The following ZC3H12B variants were observed in gnomAD, a reference collection of about 807,000 sequenced individuals.
The protein encoded by ZC3H12B is probable ribonuclease ZC3H12B.
Under a neutral mutation model 43.9 loss-of-function variants are expected in ZC3H12B, and 7 were observed. That is an observed-to-expected ratio of 0.16 (90% CI 0.09 to 0.30). The LOEUF is 0.30. ZC3H12B is among the 10% of genes least tolerant of loss of function. The probability of loss-of-function intolerance (pLI) is 1.00; values close to 1 mark genes in which losing one functional copy is unlikely to be tolerated. For synonymous variants in ZC3H12B, 222 were observed against 241.7 expected (o/e 0.92, Z 0.76); for missense variants, 475 against 670.2 (o/e 0.71, Z 3.22).
At chrX:65,347,779 A>G in the ZC3H12B span, among the ~76,000 whole-genome samples, 1 of 112,390 alleles carries the variant, frequency 8.9e-6, no homozygotes. Context: ...ATAAAGACAC[A>G]TGCACACGTA....
intron 3 of ZC3H12B, among the ~76,000 whole-genome samples, chrX:65,474,314 A>C (rs1345649384): frequency 9.0e-6 from 1 of 111,158 alleles, no homozygotes; most frequent in African/African-American, 3.3e-5. Context: ...ATTTGCATGA[A>C]ATATTTGTTC....
chrX:65,255,711 C>T, the ZC3H12B span, among the ~76,000 whole-genome samples: 1 of 112,068 alleles, frequency 8.9e-6, no homozygotes, highest in Non-Finnish European at 1.9e-5. Flanking sequence ...TGTAAACAGG[C>T]TAAATGTCAC....
intron 3 of ZC3H12B, among the ~76,000 whole-genome samples, chrX:65,444,711 T>C (rs957757798): frequency 6.3e-5 from 7 of 111,548 alleles, no homozygotes; most frequent in African/African-American, 2.3e-4. Context: ...CAGGCAGAGA[T>C]TGGAACAGTT....
the ZC3H12B span, among the ~76,000 whole-genome samples, chrX:65,195,979 G>A: frequency 8.1e-5 from 9 of 111,731 alleles, no homozygotes; most frequent in East Asian, 1.4e-3. Flanking sequence ...TTTGATGAGG[G>A]CCAAGTCGAA....
chrX:65,152,745 A>G, the ZC3H12B span, among the ~76,000 whole-genome samples: 1 of 111,735 alleles, frequency 8.9e-6, no homozygotes, highest in African/African-American at 3.3e-5. Flanking sequence ...TAAAGTTCAT[A>G]TGGAACCAAA....
At chrX:65,382,508 C>A (rs1292959911) in intron 2 of ZC3H12B, among the ~76,000 whole-genome samples, 1 of 111,296 alleles carries the variant, frequency 9.0e-6, no homozygotes, top group Non-Finnish European at 1.9e-5. Flanking sequence ...ACTGAATGGG[C>A]AAAAACTGGA....
the ZC3H12B span, chrX:65,357,245 A>G: frequency 2.7e-6 from 1 of 374,522 alleles, no homozygotes; most frequent in East Asian, 5.6e-5. Context: ...GCAGTTTGCA[A>G]AAAGACTCAA....
chrX:65,340,983 G>T, the ZC3H12B span, among the ~76,000 whole-genome samples: 1 of 112,154 alleles, frequency 8.9e-6, no homozygotes, highest in East Asian at 2.8e-4. Flanking sequence ...GGAGCTTACA[G>T]ACAAAATAGC....
At chrX:65,480,770 C>T (rs955018833) in intron 3 of ZC3H12B, among the ~76,000 whole-genome samples, 9 of 107,988 alleles carry the variant, frequency 8.3e-5, no homozygotes, top group African/African-American at 2.4e-4. Flanking sequence ...CGCTTGAACC[C>T]GGGAGGCGGA....
the ZC3H12B span, among the ~76,000 whole-genome samples, chrX:65,122,643 T>A: frequency 9.0e-6 from 1 of 110,843 alleles, no homozygotes; most frequent in Non-Finnish European, 1.9e-5. Flanking sequence ...GAAACCCATC[T>A]CACGTGCAGA....
At chrX:65,223,239 C>T in the ZC3H12B span, among the ~76,000 whole-genome samples, 125 of 110,334 alleles carry the variant, frequency 1.1e-3, no homozygotes, top group African/African-American at 3.9e-3. Flanking sequence ...TCAACTTGGC[C>T]AGGCATTATG....
intron 3 of ZC3H12B, among the ~76,000 whole-genome samples, chrX:65,434,761 G>T (rs1365726090): frequency 9.0e-6 from 1 of 111,012 alleles, no homozygotes; most frequent in Non-Finnish European, 1.9e-5. Flanking sequence ...GAAGGGTAGT[G>T]GGTGAGTCCT....
At chrX:65,174,406 A>T in the ZC3H12B span, among the ~76,000 whole-genome samples, 1 of 112,137 alleles carries the variant, frequency 8.9e-6, no homozygotes, top group Non-Finnish European at 1.9e-5. Context: ...TGCTCTGAAG[A>T]TGTGCCAAGA....
At chrX:65,102,233 C>T in the ZC3H12B span, among the ~76,000 whole-genome samples, 19 of 111,668 alleles carry the variant, frequency 1.7e-4, no homozygotes, top group African/African-American at 5.5e-4. Flanking sequence ...TGGTATATAT[C>T]TCAAAATAAT....
At chrX:65,076,766 A>G in the ZC3H12B span, among the ~76,000 whole-genome samples, 1 of 110,752 alleles carries the variant, frequency 9.0e-6, no homozygotes, top group East Asian at 2.8e-4. Flanking sequence ...TTAAAAATAA[A>G]TAATTCCTAT....
the ZC3H12B span, among the ~76,000 whole-genome samples, chrX:65,117,384 T>A: frequency 8.9e-6 from 1 of 112,264 alleles, no homozygotes; most frequent in African/African-American, 3.2e-5. Flanking sequence ...GTTCATATCC[T>A]TCGCCCACTT....
At chrX:65,384,311 T>A (rs920625400) in intron 2 of ZC3H12B, among the ~76,000 whole-genome samples, 1 of 109,177 alleles carries the variant, frequency 9.2e-6, no homozygotes, top group Non-Finnish European at 1.9e-5. Context: ...TAGGTGGGAA[T>A]TGAACAATAA....
intron 3 of ZC3H12B, among the ~76,000 whole-genome samples, chrX:65,405,560 C>T (rs766095129): frequency 6.3e-5 from 7 of 111,089 alleles, no homozygotes; most frequent in Admixed American, 1.9e-4. Context: ...GCGGAGGCTG[C>T]CGTGAGCCAA....
the ZC3H12B span, among the ~76,000 whole-genome samples, chrX:65,149,689 T>C: frequency 3.8e-5 from 4 of 106,648 alleles, no homozygotes; most frequent in Non-Finnish European, 7.7e-5. Context: ...GCGTGAACCC[T>C]GGAGGCGAAG....
Sources: allele counts gnomAD v4.1 joint callset (sites outside exome capture counted in the v4.1 genomes callset), GRCh38; gene constraint gnomAD v4.1.1; transcripts MANE v1.5; gene names NCBI Gene and HGNC (gene_info 2026-07-23, HGNC 2026-07-21).